Variants in TMTC1 observed in about 807,000 individuals in gnomAD.
The protein encoded by TMTC1 is transmembrane O-mannosyltransferase targeting cadherins 1, also known as protein O-mannosyl-transferase TMTC1.
TMTC1 carries 73 observed loss-of-function variants against 104.8 expected under a neutral mutation model. The ratio of observed to expected loss-of-function variants is 0.70; its 90% confidence interval spans 0.58 to 0.85. The LOEUF (loss-of-function observed/expected upper bound fraction) is 0.85. Among genes scored for constraint, TMTC1 ranks in the 40% least tolerant of loss-of-function variants. The pLI, the probability that TMTC1 is intolerant of heterozygous loss-of-function variation, is 0.00. For missense variants in TMTC1, 1,035 were observed against 1,096.1 expected (o/e 0.94, Z 0.79); for synonymous variants, 434 against 428.7 (o/e 1.01, Z -0.15).
chr12:29,646,571 T>C (rs960737658), intron 5 of TMTC1, among the ~76,000 whole-genome samples: 6 of 152,162 alleles, frequency 3.9e-5, no homozygotes, highest in South Asian at 2.1e-4. Context: ...CCAGGTAAAA[T>C]TGCTACTGCC....
intron 5 of TMTC1, among the ~76,000 whole-genome samples, chr12:29,653,963 A>G (rs1208155732): frequency 6.6e-6 from 1 of 152,246 alleles, no homozygotes; most frequent in Non-Finnish European, 1.5e-5. Flanking sequence ...AGCACAAACT[A>G]AAGTTTTGTA....
chr12:29,550,933 C>CAAAAAAAAAAAAAAA (rs200605964), intron 10 of TMTC1, among the ~76,000 whole-genome samples: 7 of 108,324 alleles, frequency 6.5e-5, no homozygotes, highest in African/African-American at 2.4e-4. Context: ...GACTCCATCT[C>CAAAAAAAAAAAAAAA]AAAAAAAAAA....
intron 6 of TMTC1, chr12:29,613,765 C>G (rs577115549): frequency 6.4e-6 from 1 of 156,992 alleles, no homozygotes; most frequent in Non-Finnish European, 1.4e-5. Flanking sequence ...CTGGGAGAAG[C>G]GGTCTTCTAC....
intron 5 of TMTC1, among the ~76,000 whole-genome samples, chr12:29,713,636 A>C (rs1941999529): frequency 6.6e-6 from 1 of 152,176 alleles, no homozygotes; most frequent in East Asian, 1.9e-4. Flanking sequence ...TAAAACTCAC[A>C]ATGAAGTCAC....
intron 11 of TMTC1, among the ~76,000 whole-genome samples, chr12:29,522,534 C>T (rs1368795706): frequency 2.7e-5 from 4 of 149,706 alleles, no homozygotes; most frequent in African/African-American, 9.9e-5. Flanking sequence ...CTGAAGCTCT[C>T]GTCCATTGAA....
intron 5 of TMTC1, among the ~76,000 whole-genome samples, chr12:29,688,569 G>A (rs557232792): frequency 7.9e-5 from 12 of 152,276 alleles, no homozygotes; most frequent in African/African-American, 2.6e-4. Context: ...CCATATCCCT[G>A]CCCACGCAGT....
At chr12:29,623,717 A>G (rs1403197414) in intron 6 of TMTC1, among the ~76,000 whole-genome samples, 6 of 152,094 alleles carry the variant, frequency 3.9e-5, no homozygotes, top group Non-Finnish European at 7.4e-5. Flanking sequence ...GGAGGCTGAG[A>G]CAGGAGAATC....
At chr12:29,700,472 T>C (rs1048526185) in intron 5 of TMTC1, among the ~76,000 whole-genome samples, 5 of 152,096 alleles carry the variant, frequency 3.3e-5, no homozygotes, top group Admixed American at 3.3e-4. Flanking sequence ...AGTTCTGGAA[T>C]TATAGGCATG....
intron 2 of TMTC1, among the ~76,000 whole-genome samples, chr12:29,762,671 G>C (rs1943378814): frequency 6.6e-6 from 1 of 152,238 alleles, no homozygotes; most frequent in South Asian, 2.1e-4. Context: ...ATACAGAGCT[G>C]AAAGCTATTA....
At chr12:29,756,673 G>A (rs977754292) in intron 3 of TMTC1, among the ~76,000 whole-genome samples, 10 of 152,018 alleles carry the variant, frequency 6.6e-5, no homozygotes, top group South Asian at 4.2e-4. Flanking sequence ...AAAACAGAGC[G>A]GGCCCCCTAC....
chr12:29,681,663 T>TCCCCCCCCC (rs112066731), intron 5 of TMTC1, among the ~76,000 whole-genome samples: 1 of 145,348 alleles, frequency 6.9e-6, no homozygotes, highest in Non-Finnish European at 1.5e-5. Flanking sequence ...ACAAGGCCCC[T>TCCCCCCCCC]CCCCCTCCCA....
intron 5 of TMTC1, among the ~76,000 whole-genome samples, chr12:29,669,434 A>G (rs1940418484): frequency 6.6e-6 from 1 of 152,208 alleles, no homozygotes; most frequent in Non-Finnish European, 1.5e-5. Context: ...CAGTGTTAGC[A>G]TTGCATGACA....
intron 7 of TMTC1, among the ~76,000 whole-genome samples, chr12:29,596,164 G>A (rs952693872): frequency 6.6e-6 from 1 of 151,984 alleles, no homozygotes; most frequent in East Asian, 1.9e-4. Flanking sequence ...GCGCCACCAC[G>A]CCTGGATAAT....
chr12:29,633,219 C>T lies in TMTC1; in HGVS notation c.1056G>A (p.Met352Ile). 1.2e-6 allele frequency: 2 copies of T among 1,614,046 alleles called. No individual in the cohort carries two copies. Among genetic ancestry groups the T allele is most frequent in the South Asian group, 2.2e-5 (2 of 91,082 alleles). The change falls in exon 6 of 18, where the codon ATG becomes ATA. Residue 352 changes from methionine to isoleucine, a missense_variant. By Grantham distance (10) the Met-to-Ile change is conservative. Transcript: ENST00000539277. ...SIPLVETIWD[M>I]RNLATIFLAV... ...CCAGAAAGATGGTGGCTAAGTTCCGCATGTCCCATATGGTCTCTACCAGAG... is the reference window on the plus strand; with the variant it reads ...CCAGAAAGATGGTGGCTAAGTTCCGTATGTCCCATATGGTCTCTACCAGAG...
intron 10 of TMTC1, among the ~76,000 whole-genome samples, chr12:29,549,209 A>T (rs1945030325): frequency 6.6e-6 from 1 of 151,832 alleles, no homozygotes; most frequent in African/African-American, 2.4e-5. Context: ...ATAGAATACT[A>T]CTCAGCAATA....
At chr12:29,743,956 AC>A (rs1213101823) in intron 5 of TMTC1, among the ~76,000 whole-genome samples, 1 of 152,166 alleles carries the variant, frequency 6.6e-6, no homozygotes, top group Non-Finnish European at 1.5e-5. Context: ...CCACTCTCTT[AC>A]CCACACAGGC....
At chr12:29,529,073 C>T (rs577781743) in intron 11 of TMTC1, among the ~76,000 whole-genome samples, 31 of 152,186 alleles carry the variant, frequency 2.0e-4, no homozygotes, top group South Asian at 2.1e-4. Flanking sequence ...TGGCCTCACA[C>T]GCACATTTAG....
intron 6 of TMTC1, among the ~76,000 whole-genome samples, chr12:29,619,572 G>A (rs746343564): frequency 6.6e-6 from 1 of 152,208 alleles, no homozygotes; most frequent in African/African-American, 2.4e-5. Flanking sequence ...GAAATCCAGC[G>A]ATGGTAGCAT....
At chr12:29,658,670 C>T (rs979791822) in intron 5 of TMTC1, 1 of 213,494 alleles carries the variant, frequency 4.7e-6, no homozygotes, top group Admixed American at 4.2e-5. Context: ...GAACCATTCC[C>T]TTGATGTCAA....
Sources: gnomAD v4.1 joint callset for allele counts (sites outside exome capture counted in the v4.1 genomes callset) on GRCh38, gnomAD v4.1.1 for gene constraint, MANE v1.5 for transcripts, NCBI Gene and HGNC (gene_info 2026-07-23, HGNC 2026-07-21) for gene names.